EXOC4: variants seen among roughly 807,000 people sequenced by gnomAD.
The protein encoded by EXOC4 is SEC8-like 1.
EXOC4 carries 71 observed loss-of-function variants against 107.2 expected under a neutral mutation model. That is an observed-to-expected ratio of 0.66 (90% CI 0.55 to 0.81). The LOEUF (loss-of-function observed/expected upper bound fraction) is 0.81, where lower values mean the gene tolerates loss of function less well. Ranked by LOEUF, EXOC4 falls within the 30% of genes least tolerant of loss-of-function variation. EXOC4 has a pLI of 0.00. For missense variants in EXOC4, 1,108 were observed against 1,189.6 expected, an observed-to-expected ratio of 0.93 and a Z score of 1.01; for synonymous variants, 456 against 441.2, an observed-to-expected ratio of 1.03 and a Z score of -0.42.
intron 10 of EXOC4, among the ~76,000 whole-genome samples, chr7:133,777,850 G>A (rs996016045): frequency 2.0e-4 from 30 of 152,122 alleles, no homozygotes; most frequent in Non-Finnish European, 3.4e-4. Context: ...ATCCTCTGGC[G>A]TATAGCTAGT....
At chr7:133,494,210 T>C (rs1799430338) in intron 9 of EXOC4, among the ~76,000 whole-genome samples, 1 of 152,156 alleles carries the variant, frequency 6.6e-6, no homozygotes, top group African/African-American at 2.4e-5. Context: ...TATCTACAGA[T>C]TGGAAAGCTG....
chr7:133,615,201 C>G (rs1454244334), intron 9 of EXOC4, among the ~76,000 whole-genome samples: 1 of 151,988 alleles, frequency 6.6e-6, no homozygotes, highest in African/African-American at 2.4e-5. Flanking sequence ...CTACTTTCCC[C>G]ACCTCCTCCA....
chr7:134,018,877 GT>G (rs1202379143), intron 17 of EXOC4, among the ~76,000 whole-genome samples: 2 of 151,586 alleles, frequency 1.3e-5, no homozygotes, highest in African/African-American at 2.4e-5. Context: ...AATAATATGG[GT>G]TTTAAAATAT....
At chr7:133,543,058 G>T (rs1322843088) in intron 9 of EXOC4, among the ~76,000 whole-genome samples, 1 of 152,054 alleles carries the variant, frequency 6.6e-6, no homozygotes, top group Non-Finnish European at 1.5e-5. Flanking sequence ...TGAGAAACTT[G>T]AGCTTTTTAG....
intron 11 of EXOC4, among the ~76,000 whole-genome samples, chr7:133,831,529 C>A (rs1279714449): frequency 6.7e-6 from 1 of 149,464 alleles, no homozygotes; most frequent in Non-Finnish European, 1.5e-5. Context: ...CTTTGACTGG[C>A]TTCTGTTATT....
At chr7:133,283,626 T>C (rs180840078) in intron 2 of EXOC4, among the ~76,000 whole-genome samples, 9 of 152,338 alleles carry the variant, frequency 5.9e-5, no homozygotes, top group East Asian at 5.8e-4. Context: ...TTTCCATCTT[T>C]ATTGAGGTAT....
intron 17 of EXOC4, among the ~76,000 whole-genome samples, chr7:134,059,121 A>C (rs1407296809): frequency 6.6e-6 from 1 of 152,192 alleles, no homozygotes; most frequent in Non-Finnish European, 1.5e-5. Context: ...TTCCCCAGTC[A>C]GGGCCTTGCT....
intron 9 of EXOC4, among the ~76,000 whole-genome samples, chr7:133,590,223 T>G (rs2150976986): frequency 6.6e-6 from 1 of 152,326 alleles, no homozygotes; most frequent in Middle Eastern, 3.4e-3. Context: ...CTCTGCCTCC[T>G]GTGTCTATCA....
chr7:133,560,441 T>C (rs549450822), intron 9 of EXOC4, among the ~76,000 whole-genome samples: 41 of 152,256 alleles, frequency 2.7e-4, no homozygotes, highest in African/African-American at 9.4e-4. Context: ...TGTGCCACCA[T>C]GCCCAGCTAA....
chr7:133,846,969 C>T (rs1798140386), intron 11 of EXOC4, among the ~76,000 whole-genome samples: 2 of 152,292 alleles, frequency 1.3e-5, no homozygotes. Flanking sequence ...TAGAAAGTTA[C>T]ATGGGATAAT....
intron 10 of EXOC4, among the ~76,000 whole-genome samples, chr7:133,689,946 A>G (rs1470624003): frequency 6.6e-6 from 1 of 152,238 alleles, no homozygotes; most frequent in Non-Finnish European, 1.5e-5. Flanking sequence ...TTGGCTTTAC[A>G]GACTAAAAAT....
At chr7:133,872,638 TA>T (rs1798773855) in intron 11 of EXOC4, among the ~76,000 whole-genome samples, 1 of 152,206 alleles carries the variant, frequency 6.6e-6, no homozygotes, top group Non-Finnish European at 1.5e-5. Flanking sequence ...GAGAAACCAT[TA>T]AAATGATTTG....
At chr7:133,641,433 T>C (rs965087437) in intron 10 of EXOC4, among the ~76,000 whole-genome samples, 1 of 151,702 alleles carries the variant, frequency 6.6e-6, no homozygotes. Context: ...TGAGCACACA[T>C]ATATATATAG....
chr7:133,746,358 T>C (rs1193333238), intron 10 of EXOC4, among the ~76,000 whole-genome samples: 1 of 152,134 alleles, frequency 6.6e-6, no homozygotes, highest in Non-Finnish European at 1.5e-5. Context: ...CTTAAAGCCT[T>C]ATTGTAGGTG....
At chr7:133,916,240 C>T (rs1361707040) in intron 12 of EXOC4, among the ~76,000 whole-genome samples, 1 of 152,226 alleles carries the variant, frequency 6.6e-6, no homozygotes, top group Non-Finnish European at 1.5e-5. Context: ...AATGCTACCG[C>T]TGATCTGGCA....
At chr7:134,055,799 G>T (rs1795906795) in intron 17 of EXOC4, among the ~76,000 whole-genome samples, 1 of 152,044 alleles carries the variant, frequency 6.6e-6, no homozygotes, top group African/African-American at 2.4e-5. Flanking sequence ...TTCATGCCTT[G>T]GGTATTTTTG....
intron 5 of EXOC4, among the ~76,000 whole-genome samples, chr7:133,336,487 C>T (rs1188362171): frequency 6.6e-6 from 1 of 152,176 alleles, no homozygotes; most frequent in Non-Finnish European, 1.5e-5. Flanking sequence ...TGTTTCCCCA[C>T]AGCCTTCCCA....
chr7:133,380,547 G>A (rs1446311887), intron 7 of EXOC4, among the ~76,000 whole-genome samples: 2 of 152,092 alleles, frequency 1.3e-5, no homozygotes, highest in African/African-American at 4.8e-5. Context: ...GGCCTAGCCT[G>A]TTAGGTACTG....
chr7:133,571,056 C>G (rs1385090418), intron 9 of EXOC4, among the ~76,000 whole-genome samples: 1 of 152,172 alleles, frequency 6.6e-6, no homozygotes, highest in Admixed American at 6.5e-5. Flanking sequence ...ATTTCAAACT[C>G]TGCCTTTAAG....
Sources: allele counts gnomAD v4.1 joint callset (sites outside exome capture counted in the v4.1 genomes callset), GRCh38; gene constraint gnomAD v4.1.1; transcripts MANE v1.5; gene names NCBI Gene and HGNC (gene_info 2026-07-23, HGNC 2026-07-21).